Variants in RBM25 observed in about 807,000 individuals in gnomAD.
RBM25 encodes RNA binding motif protein 25.
RBM25 carries 19 observed loss-of-function variants against 120.7 expected under a neutral mutation model. The ratio of observed to expected loss-of-function variants is 0.16; its 90% confidence interval spans 0.11 to 0.23. The LOEUF (loss-of-function observed/expected upper bound fraction) is 0.23. Ranked by LOEUF, RBM25 falls within the 10% of genes least tolerant of loss-of-function variation. The pLI is 1.00. For synonymous variants in RBM25, 390 were observed against 326.7 expected, an observed-to-expected ratio of 1.19 and a Z score of -2.09; for missense variants, 605 against 1,041.5, an observed-to-expected ratio of 0.58 and a Z score of 5.77.
intron 12 of RBM25, chr14:73,107,575 A>G (rs1896217889): frequency 5.5e-6 from 2 of 361,594 alleles, no homozygotes; most frequent in South Asian, 3.9e-5. Context: ...CAACAAGTTT[A>G]TTTAAACCAA....
intron 5 of RBM25, among the ~76,000 whole-genome samples, chr14:73,087,550 C>T (rs762207491): frequency 9.2e-5 from 14 of 152,136 alleles, no homozygotes; most frequent in Non-Finnish European, 1.3e-4. Context: ...CGCCCGCCAC[C>T]GCGCCCGGCT....
At chr14:73,073,340 G>A (rs1430413546) in intron 2 of RBM25, among the ~76,000 whole-genome samples, 1 of 151,956 alleles carries the variant, frequency 6.6e-6, no homozygotes, top group Non-Finnish European at 1.5e-5. Flanking sequence ...GATAAATATG[G>A]GAATTTCTGT....
chr14:73,084,590 T>C (rs2140437945), intron 5 of RBM25, among the ~76,000 whole-genome samples: 1 of 152,282 alleles, frequency 6.6e-6, no homozygotes, highest in Non-Finnish European at 1.5e-5. Context: ...TTCGCTCTTC[T>C]TGCCCAGGCT....
chr14:73,080,097 A>G (rs192805286), intron 4 of RBM25, among the ~76,000 whole-genome samples: 4 of 150,298 alleles, frequency 2.7e-5, no homozygotes, highest in Admixed American at 1.3e-4. Flanking sequence ...ATTCTCATAG[A>G]AGTGCCGTTT....
At chr14:73,117,100 A>C (rs1162039438) in intron 18 of RBM25, among the ~76,000 whole-genome samples, 1 of 152,040 alleles carries the variant, frequency 6.6e-6, no homozygotes, top group Non-Finnish European at 1.5e-5. Flanking sequence ...GAGTTCTTCA[A>C]CTAAAGTCAA....
chr14:73,072,619 A>G (rs765394415), intron 2 of RBM25, among the ~76,000 whole-genome samples: 2 of 132,056 alleles, frequency 1.5e-5, no homozygotes, highest in African/African-American at 2.5e-5. Context: ...AGCATGGAGA[A>G]TCCACATTTG....
At position 73,085,815 on chromosome 14, in the gene RBM25, C is replaced by G. The variant is rs75327019; in HGVS notation, c.383-2186C>G. On this transcript the variant is annotated intron_variant, in intron 5 of 18. Coordinates refer to ENST00000261973, the MANE Select transcript of RBM25 (RefSeq NM_021239.3). ...CTTGCTTTCTTAAAACAATGAGTTG[C>G]TATCCTCAGCATTCTCTAGCAGTGA... is the stretch of plus-strand genomic sequence containing the variant. Among the ~76,000 whole-genome samples the G allele has an allele frequency of 8.0e-3, 1,218 of 152,278 alleles. 10 individuals are homozygous for G. Among genetic ancestry groups the G allele is most frequent in the African/African-American group, 0.028 (1,178 of 41,560 alleles).
intron 13 of RBM25, chr14:73,109,092 TG>T (rs1896251257): frequency 4.1e-6 from 1 of 242,710 alleles, no homozygotes; most frequent in Non-Finnish European, 8.0e-6. Context: ...CTATTTTACT[TG>T]TTTAGACACT....
In RBM25 at chr14:73,106,011, A is replaced by T. The variant is rs1015840023; in HGVS notation, c.1307A>T (p.Asp436Val). Reference protein sequence around the residue: ...EKDKKRDREEDEEDAYERRKL... With the variant: ...EKDKKRDREEVEEDAYERRKL... Reference sequence around the variant, plus strand: ...GACAAAAAACGGGACCGAGAAGAAGATGAAGAAGATGCATACGAACGAAGA... The same window carrying T: ...GACAAAAAACGGGACCGAGAAGAAGTTGAAGAAGATGCATACGAACGAAGA... Residue 436 changes from aspartate (D) to valine (V), a missense_variant, in exon 11 of 19, where the codon GAT (aspartate) becomes GTT (valine). By Grantham distance (152) the Asp-to-Val change is radical. This residue lies in a region of RBM25 where 465 missense variants were observed against 741.6 expected (regional missense o/e 0.63). Coordinates refer to ENST00000261973, the MANE Select transcript of RBM25 (RefSeq NM_021239.3). The T allele has an allele frequency of 6.2e-7, 1 of 1,613,836 alleles. No individual in the cohort carries two copies. Among genetic ancestry groups the T allele is most frequent in the Admixed American group, 1.7e-5 (1 of 59,980 alleles).
Position 73,083,489 on chromosome 14 carries a change from T to G in RBM25, c.325-5T>G. The stretch of plus-strand genomic sequence containing the variant: ...GCAATCTGTTTGTTTTGTTTTCTTT[T>G]TAAGAAATGTGGTTTGGTTTTGAGC... On this transcript the variant is annotated splice_polypyrimidine_tract_variant and splice_region_variant and intron_variant, in intron 4 of 18. Transcript: ENST00000261973. 6.4e-7 allele frequency: 1 copy of G among 1,568,034 alleles called. No individual in the cohort carries two copies.
At chr14:73,078,946 G>A (rs1895491134) in intron 4 of RBM25, among the ~76,000 whole-genome samples, 1 of 152,132 alleles carries the variant, frequency 6.6e-6, no homozygotes, top group African/African-American at 2.4e-5. Flanking sequence ...CCCCAATGAT[G>A]TTAAACAATG....
At position 73,089,561 on chromosome 14, in the gene RBM25, G is replaced by A. The variant is rs956833545; in HGVS notation, c.543+1400G>A. ...GTAGAGATGGGGTTTCATCATGTTG[G>A]CCAGGCTGGTCTCGAACTCCTGACT... On this transcript the variant is annotated intron_variant, in intron 6 of 18. Coordinates refer to ENST00000261973, the MANE Select transcript of RBM25 (RefSeq NM_021239.3). 2.6e-5 allele frequency among the ~76,000 whole-genome samples: 4 copies of A among 152,028 alleles called. No individual in the cohort carries two copies. In the East Asian group the frequency reaches 7.7e-4, roughly 29 times the overall value.
chr14:73,094,278 GT>G (rs1011354213), intron 6 of RBM25, among the ~76,000 whole-genome samples: 10 of 145,860 alleles, frequency 6.9e-5, no homozygotes, highest in Admixed American at 1.4e-4. Context: ...TGTTGTTATT[GT>G]TTTTTTTTTA....
intron 2 of RBM25, among the ~76,000 whole-genome samples, chr14:73,072,685 C>T (rs1174478847): frequency 6.6e-6 from 1 of 152,022 alleles, no homozygotes; most frequent in Non-Finnish European, 1.5e-5. Flanking sequence ...TGTGGTGGTG[C>T]GTGTCTGTTG....
Position 73,119,902 on chromosome 14 carries a change from G to GT in RBM25, c.*98dup, listed in dbSNP as rs1896510007. ...TGTCTTTGAAGACATTGTGAGATCT[G>GT]TAATTTTTTTTTTTTGTAGAAAATG... On this transcript the variant is annotated 3_prime_UTR_variant, in exon 19 of 19. Transcript: ENST00000261973. 2.1e-6 allele frequency: 3 copies of GT among 1,438,806 alleles called. No homozygotes were observed. Among genetic ancestry groups the GT allele is most frequent in the African/African-American group, 3.0e-5 (2 of 67,670 alleles). 89.1% of individuals were successfully genotyped at this position (1,438,806 alleles called of 1,614,324 possible).
intron 1 of RBM25, among the ~76,000 whole-genome samples, chr14:73,061,174 C>G (rs1894997154): frequency 6.6e-6 from 1 of 150,832 alleles, no homozygotes; most frequent in African/African-American, 2.4e-5. Context: ...TCTCTTGCCT[C>G]ATCCTCCATA....
At position 73,071,738 on chromosome 14, in the gene RBM25, G is replaced by T. The variant is rs765911439; in HGVS notation, c.97G>T (p.Val33Leu). 12 of 1,610,280 alleles carry T rather than the reference G, an allele frequency of 7.5e-6. No homozygotes were observed. Residue 33 changes from valine (V) to leucine (L), a missense_variant, in exon 2 of 19, where the codon GTA becomes TTA. By Grantham distance (32) the Val-to-Leu change is conservative. Coordinates refer to ENST00000261973, the MANE Select transcript of RBM25 (RefSeq NM_021239.3). ...PPQFPGFPPP[V>L]PPGTPMIPVP... ...GCAGTTTCCAGGATTTCCTCCACCT[G>T]TACCTCCAGGTAAGTTTGTTGATAC... is the stretch of plus-strand genomic sequence containing the variant.
At chr14:73,071,470 G>A (rs149020110) in intron 1 of RBM25, among the ~76,000 whole-genome samples, 157 bp from the exon 2 acceptor site, 285 of 152,092 alleles carry the variant, frequency 1.9e-3, no homozygotes, top group African/African-American at 6.4e-3. Flanking sequence ...AATCTAAGTC[G>A]TAAGAATTCT....
chr14:73,105,646 C>T (rs965877193), intron 10 of RBM25, among the ~76,000 whole-genome samples: 6 of 152,052 alleles, frequency 3.9e-5, no homozygotes, highest in Non-Finnish European at 8.8e-5. Context: ...TACCAGTAAG[C>T]ATTAGGTATT....
Sources: gnomAD v4.1 joint callset for allele counts (sites outside exome capture counted in the v4.1 genomes callset) on GRCh38, gnomAD v4.1.1 for gene constraint, gnomAD v4.1.1 regional missense constraint, MANE v1.5 for transcripts, NCBI Gene and HGNC (gene_info 2026-07-23, HGNC 2026-07-21) for gene names.